STAG2: variants seen among roughly 807,000 people sequenced by gnomAD.
STAG2 encodes STAG2 cohesin complex component.
A neutral mutation model predicts 108.1 loss-of-function variants in STAG2; 14 were observed. That is an observed-to-expected ratio of 0.13 (90% CI 0.09 to 0.20). STAG2 has a LOEUF of 0.20. STAG2 is among the 10% of genes least tolerant of loss of function. The pLI, the probability that STAG2 is intolerant of heterozygous loss-of-function variation, is 1.00. For synonymous variants in STAG2, 307 were observed against 302.7 expected (o/e 1.01, Z -0.15); for missense variants, 440 against 940.9 (o/e 0.47, Z 6.96).
chrX:124,089,878 C>T (rs967009855), intron 30 of STAG2, among the ~76,000 whole-genome samples: 10 of 110,019 alleles, frequency 9.1e-5, no homozygotes, highest in Non-Finnish European at 5.7e-5. Context: ...AGGGTTCAGT[C>T]GACTGGGTGC....
Position 123,992,939 on chromosome X carries a change from C to A in STAG2, c.-162-28428C>A, listed in dbSNP as rs1047132076. ...AAACAGAGATGGGAATGAGTACTTT[C>A]CATGGAATAATGAGACAAACATTGT... On this transcript the variant is annotated intron_variant, in intron 1 of 34. Coordinates refer to ENST00000371145, the MANE Select transcript of STAG2 (RefSeq NM_001042750.2). Among the ~76,000 whole-genome samples, 3 of 111,087 alleles carry A rather than the reference C, an allele frequency of 2.7e-5. No individual in the cohort carries two copies. In the Admixed American group the frequency reaches 2.9e-4, roughly 11 times the overall value.
intron 5 of STAG2, among the ~76,000 whole-genome samples, chrX:124,033,028 T>G (rs909960457): frequency 8.9e-6 from 1 of 112,554 alleles, no homozygotes; most frequent in Admixed American, 9.4e-5. Context: ...CTTTCGCCAA[T>G]TTTACAGAGC....
intron 1 of STAG2, among the ~76,000 whole-genome samples, chrX:124,006,686 A>G (rs1029947546): frequency 3.7e-4 from 41 of 110,660 alleles, no homozygotes; most frequent in African/African-American, 1.1e-3. Flanking sequence ...TGATCCGCCC[A>G]CCTCGGCCTC....
At chrX:123,978,722 C>G (rs1265869971) in intron 1 of STAG2, among the ~76,000 whole-genome samples, 1 of 111,831 alleles carries the variant, frequency 8.9e-6, no homozygotes, top group East Asian at 2.8e-4. Flanking sequence ...TAAGCACCCA[C>G]GTGATGCTCC....
chrX:124,006,043 C>G (rs1166315756), intron 1 of STAG2, among the ~76,000 whole-genome samples: 30 of 111,002 alleles, frequency 2.7e-4, no homozygotes, highest in Non-Finnish European at 2.6e-4. Flanking sequence ...ACTCATATTG[C>G]ATTCCTCCCT....
intron 26 of STAG2, 82 bp downstream of exon 26, chrX:124,076,553 G>T: frequency 1.1e-6 from 1 of 894,576 alleles, no homozygotes; most frequent in Non-Finnish European, 1.5e-6. Flanking sequence ...ATTCTTTAAG[G>T]GCAAATTACA....
chrX:123,990,508 CT>C (rs1348870001), intron 1 of STAG2, among the ~76,000 whole-genome samples: 3 of 111,449 alleles, frequency 2.7e-5, no homozygotes, highest in Admixed American at 1.9e-4. Context: ...ACCCCATTCT[CT>C]TGCCTCAAAA....
rs752245279 is a variant in STAG2, at chrX:124,061,432, CAATTT to C, written c.1534+92_1534+96del. The C allele has an allele frequency of 2.2e-3, 1,465 of 655,758 alleles. 2 individuals carry two copies. Among genetic ancestry groups the C allele is most frequent in the Non-Finnish European group, 2.8e-3 (1,219 of 429,535 alleles). 54.0% of individuals were successfully genotyped at this position (655,758 alleles called of 1,213,427 possible). A position where few individuals can be genotyped will look rare whatever the true frequency, so the allele number is the denominator to read the frequency against. ...TTTATTTGTCCTTTTAGTTTTAAGA[CAATTT>C]GATAGAAAAATCTTACTTCGTGCAT... is the stretch of plus-strand genomic sequence containing the variant. On this transcript the variant is annotated intron_variant, in intron 16 of 34. Transcript: ENST00000371145.
intron 30 of STAG2, among the ~76,000 whole-genome samples, chrX:124,088,913 C>T (rs1222539399): frequency 2.6e-5 from 2 of 78,100 alleles, no homozygotes; most frequent in East Asian, 4.2e-4. Flanking sequence ...TGCGCCTGGC[C>T]TTTTTTTTTT....
In STAG2 at chrX:124,035,986, A is replaced by G. The variant is rs1375998619; in HGVS notation, c.289-1541A>G. On this transcript the variant is annotated intron_variant, in intron 5 of 34. Transcript: ENST00000371145. Reference sequence around the variant, plus strand: ...ATGTTTTAAAACTGTCACAGTCTCTATGATATATTCTTTTGCTGTTTATTG... The same window carrying G: ...ATGTTTTAAAACTGTCACAGTCTCTGTGATATATTCTTTTGCTGTTTATTG... Among the ~76,000 whole-genome samples the G allele has an allele frequency of 4.4e-5, 5 of 112,417 alleles. No individual in the cohort carries two copies. In the East Asian group the frequency reaches 1.4e-3, roughly 31 times the overall value.
intron 11 of STAG2, among the ~76,000 whole-genome samples, chrX:124,050,757 G>C (rs992139786): frequency 4.5e-5 from 5 of 111,200 alleles, no homozygotes; most frequent in African/African-American, 1.6e-4. Flanking sequence ...ATTCTCTTAG[G>C]CTGCCTCTTC....
At position 123,972,345 on chromosome X, in the gene STAG2, A is replaced by G. The variant is rs1480688027; in HGVS notation, c.-163+10489A>G. The stretch of plus-strand genomic sequence containing the variant: ...GAGTGCAGTGGCGCAATCTCAGCTC[A>G]CTGCAAGCTCCACCTCCGGGGTTCA... On this transcript the variant is annotated intron_variant, in intron 1 of 34. Coordinates refer to ENST00000371145, the MANE Select transcript of STAG2 (RefSeq NM_001042750.2). Among the ~76,000 whole-genome samples, 10 of 104,016 alleles carry G rather than the reference A, an allele frequency of 9.6e-5. No individual in the cohort carries two copies. The East Asian group carries it at 3.0e-3, about 32-fold the overall frequency. 90.3% of individuals were successfully genotyped at this position (104,016 alleles called of 115,157 possible). A position where few individuals can be genotyped will look rare whatever the true frequency, so the allele number is the denominator to read the frequency against.
At chrX:124,066,534 G>A (rs752080534) in intron 23 of STAG2, 98 bp downstream of exon 23, 2 of 596,363 alleles carry the variant, frequency 3.4e-6, no homozygotes, top group Non-Finnish European at 5.4e-6. Context: ...TCAGTGAAAT[G>A]TTGCTTGTTT....
At chrX:123,980,419 A>T (rs181659959) in intron 1 of STAG2, among the ~76,000 whole-genome samples, 2 of 111,995 alleles carry the variant, frequency 1.8e-5, no homozygotes, top group East Asian at 5.6e-4. Context: ...CATACAATCC[A>T]TAAGCATCTC....
intron 29 of STAG2, among the ~76,000 whole-genome samples, chrX:124,085,565 G>A (rs905098466): frequency 1.1e-4 from 12 of 110,274 alleles, no homozygotes; most frequent in African/African-American, 3.3e-4. Flanking sequence ...AAGGCGGGCA[G>A]AGAGTTCGAG....
chrX:124,097,006 C>T (rs1020757321), intron 34 of STAG2, among the ~76,000 whole-genome samples: 1 of 110,159 alleles, frequency 9.1e-6, no homozygotes, highest in African/African-American at 3.3e-5. Flanking sequence ...CAGTGAGACC[C>T]CATCTTTACA....
At chrX:124,020,021 T>C (rs927424846) in intron 1 of STAG2, among the ~76,000 whole-genome samples, 2 of 112,977 alleles carry the variant, frequency 1.8e-5, no homozygotes, top group African/African-American at 6.4e-5. Context: ...ATCTTTGATT[T>C]TGCTTTTGTG....
intron 20 of STAG2, 102 bp from the exon 21 acceptor site, chrX:124,065,774 G>C (rs1435649036): frequency 1.2e-4 from 66 of 542,367 alleles, no homozygotes; most frequent in Non-Finnish European, 5.9e-5. Flanking sequence ...TTCATTTGTG[G>C]GTTTTGTTAT....
At position 124,041,409 on chromosome X, in the gene STAG2, A is replaced by G. The variant is rs191335781; in HGVS notation, c.386-1160A>G. On this transcript the variant is annotated intron_variant, in intron 6 of 34. Transcript: ENST00000371145. The stretch of plus-strand genomic sequence containing the variant: ...AAGCTGGGATTATGGATTTACAGCT[A>G]TGTATATACACAGGCGCGCGCACAC... Among the ~76,000 whole-genome samples, 124 of 110,046 alleles carry G rather than the reference A, an allele frequency of 1.1e-3. 2 individuals carry two copies. Among genetic ancestry groups the G allele is most frequent in the African/African-American group, 3.9e-3 (117 of 30,277 alleles).
Sources: gnomAD v4.1 joint callset for allele counts (sites outside exome capture counted in the v4.1 genomes callset) on GRCh38, gnomAD v4.1.1 for gene constraint, MANE v1.5 for transcripts, NCBI Gene and HGNC (gene_info 2026-07-23, HGNC 2026-07-21) for gene names.